ERC2: variants seen among roughly 807,000 people sequenced by gnomAD.
ERC2 encodes ELKS/RAB6-interacting/CAST family member 2, also known as ERC protein 2.
In ERC2, 42 loss-of-function variants were observed where a neutral mutation model predicts 114.8. The ratio of observed to expected loss-of-function variants is 0.37; its 90% CI spans 0.29 to 0.47. The LOEUF (loss-of-function observed/expected upper bound fraction) is 0.47, where lower values mean the gene tolerates loss of function less well. Ranked by LOEUF, ERC2 falls within the 20% of genes least tolerant of loss-of-function variation. ERC2 has a pLI of 0.99. For synonymous variants in ERC2, 454 were observed against 425.5 expected (o/e 1.07, Z -0.82); for missense variants, 939 against 1,150.7 (o/e 0.82, Z 2.66).
At chr3:55,892,746 GT>G (rs2149328348) in intron 13 of ERC2, among the ~76,000 whole-genome samples, 1 of 151,924 alleles carries the variant, frequency 6.6e-6, no homozygotes, top group African/African-American at 2.4e-5. Flanking sequence ...ATACATAATT[GT>G]GTATATAATT....
chr3:55,624,496 G>A (rs2059437060), intron 17 of ERC2, among the ~76,000 whole-genome samples: 1 of 152,204 alleles, frequency 6.6e-6, no homozygotes, highest in Non-Finnish European at 1.5e-5. Context: ...GTGCTGAGAG[G>A]ACAGAGAGGA....
rs200617025 is a variant in ERC2, at chr3:55,705,768, G to GCT, written c.2713-6258_2713-6257dup. Among the ~76,000 whole-genome samples, 26 of 152,060 alleles carry GCT rather than the reference G, an allele frequency of 1.7e-4. No individual in the cohort carries two copies. The East Asian group carries it at 3.7e-3, about 21-fold the overall frequency. The stretch of plus-strand genomic sequence containing the variant: ...CTCCCTCCCAACTTTGTTAAAGGTG[G>GCT]CTCTCTCTCTCGGTCCCTATTTACA... On this transcript the variant is annotated intron_variant, in intron 15 of 17. Transcript: ENST00000288221.
chr3:56,435,243 T>C lies in ERC2; in HGVS notation c.-140-96A>G, dbSNP rs561522513. On this transcript the variant is annotated intron_variant, in intron 1 of 17. Coordinates refer to ENST00000288221, the MANE Select transcript of ERC2 (RefSeq NM_015576.3). ...ATATAAAGATAATGATAGATGTACCTATGTAGATAGGTGATTAATAATAGA... is the reference window on the plus strand; with the variant it reads ...ATATAAAGATAATGATAGATGTACCCATGTAGATAGGTGATTAATAATAGA... The C allele has an allele frequency of 2.0e-5, 9 of 456,532 alleles. No homozygotes were observed. The South Asian group carries it at 2.2e-4, about 11-fold the overall frequency. 28.3% of individuals were successfully genotyped at this position (456,532 alleles called of 1,614,324 possible).
At chr3:55,965,379 A>T (rs2068676919) in intron 12 of ERC2, among the ~76,000 whole-genome samples, 2 of 152,350 alleles carry the variant, frequency 1.3e-5, no homozygotes. Context: ...AATTTTAACT[A>T]ATTTAAATTT....
chr3:55,976,642 T>A (rs942223957), intron 12 of ERC2, among the ~76,000 whole-genome samples: 1 of 151,958 alleles, frequency 6.6e-6, no homozygotes, highest in Non-Finnish European at 1.5e-5. Context: ...TATTTTCTAG[T>A]GGGAAACTAC....
intron 14 of ERC2, among the ~76,000 whole-genome samples, chr3:55,765,567 A>G (rs1208426870): frequency 1.3e-5 from 2 of 152,222 alleles, no homozygotes; most frequent in Non-Finnish European, 2.9e-5. Flanking sequence ...ACATTTTTAG[A>G]CAATCCAAAC....
chr3:56,249,388 C>T (rs996702347), intron 3 of ERC2, among the ~76,000 whole-genome samples: 2 of 152,000 alleles, frequency 1.3e-5, no homozygotes, highest in African/African-American at 2.4e-5. Flanking sequence ...TGCAGTGGTG[C>T]AATCTCAGCT....
chr3:55,549,948 G>GATAC (rs59466480), intron 17 of ERC2, among the ~76,000 whole-genome samples: 3 of 105,602 alleles, frequency 2.8e-5, no homozygotes, highest in African/African-American at 8.7e-5. Context: ...GAGAGAGAGA[G>GATAC]AGAGAGAGAG....
At chr3:55,775,645 G>A (rs2068549440) in intron 14 of ERC2, among the ~76,000 whole-genome samples, 1 of 152,114 alleles carries the variant, frequency 6.6e-6, no homozygotes, top group East Asian at 1.9e-4. Flanking sequence ...CAGACAGAGA[G>A]AGTAAGGAGA....
chr3:55,509,870 C>CTGTT lies in ERC2; in HGVS notation c.*1442_*1445dup, dbSNP rs2051967564. ...TTAAGGCCACTCATGCTTAAATTCA[C>CTGTT]TGTTTGTCCTTTAAAAATGCAGGTT... On this transcript the variant is annotated 3_prime_UTR_variant, in exon 18 of 18. Transcript: ENST00000288221. 6.6e-6 allele frequency: 1 copy of CTGTT among 152,608 alleles called. No homozygotes were observed. The highest frequency in any genetic ancestry group is 1.5e-5 in the Non-Finnish European group (1 of 68,044). The allele number at this position is 152,608 out of a possible 1,614,324, so 9.5% of individuals were successfully genotyped here. A position where few individuals can be genotyped will look rare whatever the true frequency, so the allele number is the denominator to read the frequency against.
intron 3 of ERC2, among the ~76,000 whole-genome samples, chr3:56,229,378 A>G (rs952854618): frequency 7.2e-5 from 11 of 152,152 alleles, no homozygotes; most frequent in African/African-American, 2.4e-4. Flanking sequence ...CTTTTGGCCA[A>G]CCTCTGGATT....
chr3:55,823,678 A>G lies in ERC2; in HGVS notation c.2564+64711T>C, dbSNP rs1332016216. On this transcript the variant is annotated intron_variant, in intron 14 of 17. Transcript: ENST00000288221. ...AGAGGGGACACAGGGTATGGCAGAT[A>G]CTATAACATACTACTTACTAAACTC... 4.6e-5 allele frequency among the ~76,000 whole-genome samples: 7 copies of G among 152,330 alleles called. No homozygotes were observed. The East Asian group carries it at 1.4e-3, about 29-fold the overall frequency.
intron 13 of ERC2, among the ~76,000 whole-genome samples, chr3:55,912,266 A>G (rs979396805): frequency 3.3e-5 from 5 of 152,180 alleles, no homozygotes; most frequent in African/African-American, 9.7e-5. Flanking sequence ...CAGCCCTACA[A>G]TGATACTTGA....
At chr3:55,550,921 C>G (rs2055145405) in intron 17 of ERC2, among the ~76,000 whole-genome samples, 2 of 149,574 alleles carry the variant, frequency 1.3e-5, no homozygotes, top group Admixed American at 1.4e-4. Context: ...GAGGCTGAGG[C>G]AGAAGAATGG....
At chr3:55,862,435 G>A (rs1041306873) in intron 14 of ERC2, among the ~76,000 whole-genome samples, 1 of 152,132 alleles carries the variant, frequency 6.6e-6, no homozygotes, top group Non-Finnish European at 1.5e-5. Flanking sequence ...GGACACAGAT[G>A]TGATGGCTAG....
chr3:55,844,137 G>C (rs2061253009), intron 14 of ERC2, among the ~76,000 whole-genome samples: 1 of 152,076 alleles, frequency 6.6e-6, no homozygotes, highest in Admixed American at 6.5e-5. Flanking sequence ...GCAATATGTG[G>C]CATATGCTGT....
At chr3:55,946,172 C>A (rs2067116726) in intron 13 of ERC2, among the ~76,000 whole-genome samples, 1 of 152,130 alleles carries the variant, frequency 6.6e-6, no homozygotes, top group African/African-American at 2.4e-5. Flanking sequence ...GAAAAACCTC[C>A]ATGTGGGCTC....
chr3:56,075,499 C>T (rs191811223), intron 7 of ERC2, among the ~76,000 whole-genome samples: 24 of 152,280 alleles, frequency 1.6e-4, no homozygotes, highest in Admixed American at 1.4e-3. Context: ...AAAAAATTCC[C>T]TTTTGCTTAA....
At chr3:56,174,451 A>G (rs758397720) in intron 3 of ERC2, among the ~76,000 whole-genome samples, 3 of 152,206 alleles carry the variant, frequency 2.0e-5, no homozygotes, top group Non-Finnish European at 4.4e-5. Flanking sequence ...CTGGTGATTC[A>G]GGTCACCTAT....
Sources: allele counts gnomAD v4.1 joint callset (sites outside exome capture counted in the v4.1 genomes callset), GRCh38; gene constraint gnomAD v4.1.1; transcripts MANE v1.5; gene names NCBI Gene and HGNC (gene_info 2026-07-23, HGNC 2026-07-21).